The following DUSP1 variants were observed in gnomAD, a reference collection of about 807,000 sequenced individuals.
DUSP1 encodes dual specificity phosphatase 1.
A neutral mutation model predicts 27.4 loss-of-function variants in DUSP1; 10 were observed. The ratio of observed to expected loss-of-function variants is 0.37; its 90% CI spans 0.23 to 0.62. The LOEUF (loss-of-function observed/expected upper bound fraction) is 0.62, where lower values mean the gene tolerates loss of function less well. DUSP1 is among the 20% of genes least tolerant of loss of function. DUSP1 has a pLI of 0.68. For missense variants in DUSP1, 425 were observed against 508.1 expected (o/e 0.84, Z 1.57); for synonymous variants, 262 against 223.6 (o/e 1.17, Z -1.53).
chr5:172,768,824 G>A lies in DUSP1; in HGVS notation c.1042C>T (p.His348Tyr). The A allele has an allele frequency of 6.3e-7, 1 of 1,583,746 alleles. No homozygotes were observed. Among genetic ancestry groups the A allele is most frequent in the Admixed American group, 1.7e-5 (1 of 57,874 alleles). ...TAGCTCAGCGCACTGTTCGTGGAGT[G>A]GACAGGGATGGAGACGGGGAAGTTG... is the stretch of plus-strand genomic sequence containing the variant. ...VFNFPVSIPV[H>Y]STNSALSYLQ... Residue 348 changes from histidine (H) to tyrosine (Y), a missense_variant, in exon 4 of 4, where the codon CAC becomes TAC. His to Tyr is a moderately conservative substitution (Grantham distance 83). This residue lies in a region of DUSP1 where 84 missense variants were observed against 80.5 expected (regional missense o/e 1.04). Coordinates refer to ENST00000239223, the MANE Select transcript of DUSP1 (RefSeq NM_004417.4).
chr5:172,768,599 C>G lies in DUSP1; in HGVS notation c.*163G>C. The G allele has an allele frequency of 1.0e-6, 1 of 977,332 alleles. No individual in the cohort carries two copies. The highest frequency in any genetic ancestry group is 1.7e-5 in the African/African-American group (1 of 59,524). 60.5% of individuals were successfully genotyped at this position (977,332 alleles called of 1,614,324 possible). On this transcript the variant is annotated 3_prime_UTR_variant, in exon 4 of 4. Transcript: ENST00000239223. ...GTGCTGAGTTCAGCAAATGTCTTGA[C>G]GCTAAGTCATCACCATAACTGCTTA...
chr5:172,770,466 TA>T, intron 1 of DUSP1, 119 bp downstream of exon 1: 4 of 1,514,448 alleles, frequency 2.6e-6, no homozygotes, highest in Non-Finnish European at 3.5e-6. Context: ...GTTCCAGAGA[TA>T]AATGTACTCC....
In DUSP1 at chr5:172,769,041, C is replaced by T; in HGVS notation, c.825G>A (p.Arg275=). Residue 275 remains arginine, a synonymous_variant, in exon 4 of 4, where the codon AGG becomes AGA. Coordinates refer to ENST00000239223, the MANE Select transcript of DUSP1 (RefSeq NM_004417.4). ...SATICLAYLM[R]TNRVKLDEAF... ...CCTCGTCCAGCTTGACTCGATTAGT[C>T]CTCATAAGGTAAGCAAGGCAGATGG... The T allele has an allele frequency of 6.2e-7, 1 of 1,614,196 alleles. No homozygotes were observed. The highest frequency in any genetic ancestry group is 1.1e-5 in the South Asian group (1 of 91,084).
chr5:172,769,203 T>C (rs1759841058), intron 3 of DUSP1, 71 bp from the exon 4 acceptor site: 2 of 1,529,960 alleles, frequency 1.3e-6, no homozygotes, highest in South Asian at 2.5e-5. Context: ...GTACAGTGTA[T>C]CTGAGAAAGG....
intron 2 of DUSP1, 75 bp downstream of exon 2, chr5:172,770,086 A>AT (rs1439819438): frequency 6.6e-7 from 1 of 1,512,740 alleles, no homozygotes; most frequent in East Asian, 2.3e-5. Flanking sequence ...GTCACTTTCT[A>AT]TATTCTCCCT....
Position 172,768,666 on chromosome 5 carries a change from C to A in DUSP1, c.*96G>T. On this transcript the variant is annotated 3_prime_UTR_variant, in exon 4 of 4. Transcript: ENST00000239223. ...CGGGTGAAGTTAAATAAATAAGGAC[C>A]AGCCCTCTCGAGCCCCTCCCAGAGT... 7.1e-7 allele frequency: 1 copy of A among 1,411,848 alleles called. No homozygotes were observed. 87.5% of individuals were successfully genotyped at this position (1,411,848 alleles called of 1,614,324 possible). A position where few individuals can be genotyped will look rare whatever the true frequency, so the allele number is the denominator to read the frequency against.
In DUSP1 at chr5:172,768,510, C is replaced by T. The variant is rs1327445210; in HGVS notation, c.*252G>A. The T allele has an allele frequency of 5.2e-6, 2 of 385,678 alleles. No homozygotes were observed. Among genetic ancestry groups the T allele is most frequent in the East Asian group, 4.1e-5 (1 of 24,558 alleles). The allele number at this position is 385,678 out of a possible 1,614,324, so 23.9% of individuals were successfully genotyped here. On this transcript the variant is annotated 3_prime_UTR_variant, in exon 4 of 4. Transcript: ENST00000239223. ...AAAGAAACCGGATCACACACTGAGT[C>T]CTTTCTCTTCTGCCCCATTTTGTCA...
chr5:172,768,848 T>G lies in DUSP1; in HGVS notation c.1018A>C (p.Asn340His). ...DRGTSTTTVF[N>H]FPVSIPVHST... ...TGGACAGGGATGGAGACGGGGAAGT[T>G]GAACACGGTGGTGGTGGAGGTGCCT... is the stretch of plus-strand genomic sequence containing the variant. Residue 340 changes from asparagine (N) to histidine (H), a missense_variant, in exon 4 of 4, where the codon AAC becomes CAC. Around this residue, in one of 3 missense-constraint regions of DUSP1, gnomAD observed 84 missense variants for 80.5 expected, o/e 1.04. Coordinates refer to ENST00000239223, the MANE Select transcript of DUSP1 (RefSeq NM_004417.4). 1 of 1,602,666 alleles carries G rather than the reference T, an allele frequency of 6.2e-7. No homozygotes were observed. Among genetic ancestry groups the G allele is most frequent in the Non-Finnish European group, 8.5e-7 (1 of 1,173,430 alleles).
chr5:172,769,092 G>A lies in DUSP1; in HGVS notation c.774C>T (p.Cys258=), dbSNP rs1013256630. 5 of 1,612,892 alleles carry A rather than the reference G, an allele frequency of 3.1e-6. No individual in the cohort carries two copies. Among genetic ancestry groups the A allele is most frequent in the Non-Finnish European group, 4.2e-6 (5 of 1,179,984 alleles). The change falls in exon 4 of 4, where the codon TGC becomes TGT. Residue 258 remains cysteine, a synonymous_variant. Coordinates refer to ENST00000239223, the MANE Select transcript of DUSP1 (RefSeq NM_004417.4). ...KNAGGRVFVH[C]QAGISRSATI... is the part of the protein sequence containing the mutation. Reference sequence around the variant, plus strand: ...TGGCTGACCGGGAAATGCCTGCCTGGCAGTGGACAAACACCCTTCCTCCAG... The same window carrying A: ...TGGCTGACCGGGAAATGCCTGCCTGACAGTGGACAAACACCCTTCCTCCAG...
rs567220721 is a variant in DUSP1, at chr5:172,768,699, T to C, written c.*63A>G. 4 of 1,461,886 alleles carry C rather than the reference T, an allele frequency of 2.7e-6. No homozygotes were observed. The highest frequency in any genetic ancestry group is 3.6e-6 in the Non-Finnish European group (4 of 1,104,294). 90.6% of individuals were successfully genotyped at this position (1,461,886 alleles called of 1,614,324 possible). On this transcript the variant is annotated 3_prime_UTR_variant, in exon 4 of 4. Transcript: ENST00000239223. ...TCGAGCCCCTCCCAGAGTTATTGCA[T>C]TTCTCCTCTCAAGGAGCATGGAGTC...
At chr5:172,769,490 T>G (rs1327552620) in intron 3 of DUSP1, 85 bp downstream of exon 3, 3 of 1,468,896 alleles carry the variant, frequency 2.0e-6, no homozygotes, top group Non-Finnish European at 2.8e-6. Context: ...CTCAGAAAAC[T>G]TCAAGCTCTT....
rs1759828598 is a variant in DUSP1 at position 172,768,661 on chromosome 5, A to C, written c.*101T>G. ...GAACTCGGGTGAAGTTAAATAAATA[A>C]GGACCAGCCCTCTCGAGCCCCTCCC... On this transcript the variant is annotated 3_prime_UTR_variant, in exon 4 of 4. Transcript: ENST00000239223. The C allele has an allele frequency of 5.1e-6, 7 of 1,384,538 alleles. No individual in the cohort carries two copies. In the South Asian group the frequency reaches 1.1e-4, roughly 22 times the overall value. 85.8% of individuals were successfully genotyped at this position (1,384,538 alleles called of 1,614,324 possible).
chr5:172,770,255 G>C lies in DUSP1; in HGVS notation c.419C>G (p.Ser140Trp). Reference protein sequence around the residue: ...ASCPELCSKQSTPMGLSLPLS... With the variant: ...ASCPELCSKQWTPMGLSLPLS... ...GGGAAGGCTGAGCCCCATGGGGGTC[G>C]ACTGTTTGCTGCACAGCTCCGGGCA... Residue 140 changes from serine to tryptophan, a missense_variant, in exon 2 of 4, where the codon TCG (serine) becomes TGG (tryptophan). By Grantham distance (177) the Ser-to-Trp change is radical. Around this residue, in one of 3 missense-constraint regions of DUSP1, gnomAD observed 282 missense variants for 319.3 expected, o/e 0.88. Coordinates refer to ENST00000239223, the MANE Select transcript of DUSP1 (RefSeq NM_004417.4). 6.2e-7 allele frequency: 1 copy of C among 1,610,838 alleles called. No individual in the cohort carries two copies. Among genetic ancestry groups the C allele is most frequent in the African/African-American group, 1.3e-5 (1 of 74,810 alleles).
rs1347332395 is a variant in DUSP1 at position 172,770,902 on chromosome 5, C to A, written c.51G>T (p.Leu17=). 8 of 1,536,988 alleles carry A rather than the reference C, an allele frequency of 5.2e-6. No homozygotes were observed. Among genetic ancestry groups the A allele is most frequent in the African/African-American group, 2.8e-5 (2 of 72,424 alleles). ...TLDAGGLRAL[L]GERAAQCLLL... is the part of the protein sequence containing the mutation. ...GCAGGCATTGCGCCGCTCGCTCCCC[C>A]AGCAGCGCCCGCAGGCCTCCAGCGT... Residue 17 remains leucine (L), a synonymous_variant, in exon 1 of 4, where the codon CTG becomes CTT. Transcript: ENST00000239223.
At chr5:172,769,208 G>C (rs1759841089) in intron 3 of DUSP1, 76 bp from the exon 4 acceptor site, 1 of 1,526,028 alleles carries the variant, frequency 6.6e-7, no homozygotes, top group Admixed American at 2.0e-5. Context: ...GTGTATCTGA[G>C]AAAGGTCATG....
chr5:172,771,052 C>T lies in DUSP1; in HGVS notation c.-100G>A, dbSNP rs1759888314. 2.3e-6 allele frequency: 3 copies of T among 1,312,004 alleles called. No individual in the cohort carries two copies. The highest frequency in any genetic ancestry group is 3.9e-5 in the Admixed American group (1 of 25,340). The allele number at this position is 1,312,004 out of a possible 1,614,324, so 81.3% of individuals were successfully genotyped here. On this transcript the variant is annotated 5_prime_UTR_variant, in exon 1 of 4. Coordinates refer to ENST00000239223, the MANE Select transcript of DUSP1 (RefSeq NM_004417.4). ...GCGCTTTTCGAGGAAAAGCTAGACC[C>T]CCGGGTCTCTCTGCGCCGAACCAAA...
intron 3 of DUSP1, 76 bp downstream of exon 3, chr5:172,769,499 T>C: frequency 6.6e-7 from 1 of 1,524,786 alleles, no homozygotes; most frequent in South Asian, 1.1e-5. Flanking sequence ...CTTCAAGCTC[T>C]TGCCACAGAG....
At chr5:172,770,136 C>T (rs1759861025) in intron 2 of DUSP1, 25 bp downstream of exon 2, 2 of 1,544,228 alleles carry the variant, frequency 1.3e-6, no homozygotes, top group Middle Eastern at 1.7e-4. Flanking sequence ...CTTACTTCTT[C>T]CCTGTGGCAG....
chr5:172,770,791 G>A lies in DUSP1; in HGVS notation c.162C>T (p.Arg54=), dbSNP rs764057159. 4.0e-6 allele frequency: 6 copies of A among 1,507,410 alleles called. No individual in the cohort carries two copies. In the Admixed American group the frequency reaches 1.3e-4, roughly 32 times the overall value. The allele number at this position is 1,507,410 out of a possible 1,614,324, so 93.4% of individuals were successfully genotyped here. ...CCAGGCCCATGGCGCCCTTGGCCCGGCGCCGCACGATGGTGCTGAAGCGCA... is the reference window on the plus strand; with the variant it reads ...CCAGGCCCATGGCGCCCTTGGCCCGACGCCGCACGATGGTGCTGAAGCGCA... ...VNVRFSTIVR[R]RAKGAMGLEH... is the part of the protein sequence containing the mutation. Residue 54 remains arginine (R), a synonymous_variant, in exon 1 of 4, where the codon CGC becomes CGT. Transcript: ENST00000239223.
Sources: gnomAD v4.1 joint callset for allele counts on GRCh38, gnomAD v4.1.1 for gene constraint, gnomAD v4.1.1 regional missense constraint, MANE v1.5 for transcripts, NCBI Gene and HGNC (gene_info 2026-07-23, HGNC 2026-07-21) for gene names.